Variants in XPO6 observed in about 807,000 individuals in gnomAD.
XPO6 encodes exportin-6.
Under a neutral mutation model 130.0 loss-of-function variants are expected in XPO6, and 3 were observed. The observed-to-expected ratio is 0.02, with a 90% CI of 0.01 to 0.06. The LOEUF is 0.06. XPO6 is among the 10% of genes least tolerant of loss of function. XPO6 has a pLI of 1.00. For missense variants in XPO6, 970 were observed against 1,393.0 expected (o/e 0.70, Z 4.83); for synonymous variants, 524 against 548.9 (o/e 0.95, Z 0.63).
Position 28,101,021 on chromosome 16 carries a change from A to T in XPO6, c.3276+437T>A. The T allele has an allele frequency of 3.7e-6, 1 of 271,476 alleles. No homozygotes were observed. Among genetic ancestry groups the T allele is most frequent in the Non-Finnish European group, 7.3e-6 (1 of 137,376 alleles). 16.8% of individuals were successfully genotyped at this position (271,476 alleles called of 1,614,324 possible). On this transcript the variant is annotated intron_variant, in intron 23 of 23. Coordinates refer to ENST00000304658, the MANE Select transcript of XPO6 (RefSeq NM_015171.4). This position sits in a 1 kb window ranked among gnomAD's most constrained non-coding sequence, Gnocchi z 5.4. ...TGGAAAGAGCCCAAGACAGCCGGGG[A>T]ACCTGGGTCCCACCTCTAACCCTGG...
chr16:28,137,535 C>T (rs1489727073), intron 9 of XPO6, among the ~76,000 whole-genome samples: 4 of 152,144 alleles, frequency 2.6e-5, no homozygotes, highest in Non-Finnish European at 5.9e-5. Context: ...AGACCAAATA[C>T]AGTCCATTTA....
chr16:28,125,870 A>G, intron 12 of XPO6, 22 bp from the exon 13 acceptor site: 1 of 1,606,846 alleles, frequency 6.2e-7, no homozygotes, highest in Non-Finnish European at 8.5e-7. Context: ...CACGCCAGAC[A>G]GTTTTTCACA....
chr16:28,109,493 G>C (rs866156589), intron 17 of XPO6, among the ~76,000 whole-genome samples: 1 of 151,976 alleles, frequency 6.6e-6, no homozygotes. Flanking sequence ...CAGGCATCCA[G>C]ACTGAGCATC....
chr16:28,170,161 C>T (rs2043426207), intron 4 of XPO6, among the ~76,000 whole-genome samples: 1 of 151,646 alleles, frequency 6.6e-6, no homozygotes, highest in African/African-American at 2.4e-5. Context: ...GGAGAAATCC[C>T]GTCTCTACTA....
At chr16:28,197,964 TAAAAA>T (rs370727941) in intron 1 of XPO6, among the ~76,000 whole-genome samples, 4 of 27,622 alleles carry the variant, frequency 1.4e-4, no homozygotes, top group Non-Finnish European at 4.4e-4. Flanking sequence ...CTAAGTTTAT[TAAAAA>T]AAAAAAAAAA....
chr16:28,176,240 A>G (rs529534146), intron 3 of XPO6, 145 bp from the exon 4 acceptor site: 41 of 709,086 alleles, frequency 5.8e-5, no homozygotes, highest in East Asian at 4.1e-4. Flanking sequence ...TAAGAATAAT[A>G]AAAGTATTCA....
chr16:28,121,870 T>A (rs2087250734), intron 13 of XPO6, 108 bp from the exon 14 acceptor site: 1 of 683,850 alleles, frequency 1.5e-6, no homozygotes, highest in Admixed American at 2.4e-5. Flanking sequence ...CTTTTTCATA[T>A]ACAAAAAAGA....
intron 6 of XPO6, among the ~76,000 whole-genome samples, chr16:28,163,988 T>G (rs1289292186): frequency 6.6e-6 from 1 of 152,198 alleles, no homozygotes; most frequent in East Asian, 1.9e-4. Flanking sequence ...GGGGGAACTA[T>G]GCTGAGAAAT....
chr16:28,210,434 C>A (rs1275595482), intron 1 of XPO6, among the ~76,000 whole-genome samples: 2 of 152,210 alleles, frequency 1.3e-5, no homozygotes, highest in Non-Finnish European at 2.9e-5. Flanking sequence ...CAGTACTTAC[C>A]AAGGGCTTAC....
At chr16:28,105,475 G>C (rs974457626) in intron 20 of XPO6, among the ~76,000 whole-genome samples, 3 of 152,206 alleles carry the variant, frequency 2.0e-5, no homozygotes, top group African/African-American at 7.2e-5. Context: ...CATAGGCCCA[G>C]TGCATTTCGT....
intron 6 of XPO6, chr16:28,165,479 T>C (rs1206068674): frequency 6.6e-6 from 1 of 152,254 alleles, no homozygotes; most frequent in East Asian, 1.9e-4. Context: ...GTTTGTAATC[T>C]AAGCAGTATG....
intron 23 of XPO6, among the ~76,000 whole-genome samples, chr16:28,100,856 C>T (rs2086641614): frequency 6.6e-6 from 1 of 152,192 alleles, no homozygotes; most frequent in Non-Finnish European, 1.5e-5. Context: ...ACCCAGCTCC[C>T]ACCGAGGTGC....
chr16:28,194,131 T>C (rs2043824593), intron 1 of XPO6, among the ~76,000 whole-genome samples: 1 of 152,122 alleles, frequency 6.6e-6, no homozygotes, highest in African/African-American at 2.4e-5. Flanking sequence ...ACCAAGTAGC[T>C]ATGGGAATGA....
intron 4 of XPO6, among the ~76,000 whole-genome samples, chr16:28,170,696 GCAGAGCAACAC>G (rs969921410): frequency 1.3e-5 from 2 of 152,134 alleles, no homozygotes; most frequent in African/African-American, 4.8e-5. Context: ...ATTAAATATA[GCAGAGCAACAC>G]CATACATACA....
At chr16:28,170,660 C>T (rs1705976619) in intron 4 of XPO6, among the ~76,000 whole-genome samples, 4 of 152,204 alleles carry the variant, frequency 2.6e-5, no homozygotes, top group African/African-American at 9.6e-5. Context: ...CACTTCTAAA[C>T]TTTGCATGCT....
In XPO6 at chr16:28,103,806, C is replaced by T. The variant is rs557944825; in HGVS notation, c.2946+740G>A. Among the ~76,000 whole-genome samples the T allele has an allele frequency of 7.9e-5, 12 of 152,198 alleles. No homozygotes were observed. The South Asian group carries it at 1.2e-3, about 16-fold the overall frequency. The stretch of plus-strand genomic sequence containing the variant: ...GTGTGTGTGTGCGCGCGCATGCGCA[C>T]GTGCATGCCTGTGTGCATGCTGTGT... On this transcript the variant is annotated intron_variant, in intron 21 of 23. Coordinates refer to ENST00000304658, the MANE Select transcript of XPO6 (RefSeq NM_015171.4).
At chr16:28,160,223 G>T (rs1333964857) in intron 6 of XPO6, among the ~76,000 whole-genome samples, 1 of 141,916 alleles carries the variant, frequency 7.0e-6, no homozygotes, top group Non-Finnish European at 1.5e-5. Flanking sequence ...CAAGTAAAAT[G>T]CTGGGTACTG....
rs1457695998 is a variant in XPO6, at chr16:28,176,828, G to A, written c.207+392C>T. On this transcript the variant is annotated intron_variant, in intron 3 of 23. Transcript: ENST00000304658. The stretch of plus-strand genomic sequence containing the variant: ...CCGGCCTACAGTTAGGCTTTTTAAA[G>A]GGGGGCACAGAAGACAAGGATTGGA... Among the ~76,000 whole-genome samples the A allele has an allele frequency of 2.0e-5, 3 of 152,024 alleles. No homozygotes were observed. The South Asian group carries it at 6.2e-4, about 32-fold the overall frequency.
chr16:28,115,356 T>G (rs776421706), intron 15 of XPO6, among the ~76,000 whole-genome samples: 5 of 152,198 alleles, frequency 3.3e-5, no homozygotes, highest in Admixed American at 6.5e-5. Context: ...ACAGAATGGA[T>G]GTTGTGTGAG....
Sources: gnomAD v4.1 joint callset for allele counts (sites outside exome capture counted in the v4.1 genomes callset) on GRCh38, gnomAD v4.1.1 for gene constraint, Gnocchi (gnomAD v3.1) non-coding constraint, MANE v1.5 for transcripts, NCBI Gene and HGNC (gene_info 2026-07-23, HGNC 2026-07-21) for gene names.